PPP2R5C: variants seen among roughly 807,000 people sequenced by gnomAD.
PPP2R5C encodes the protein serine/threonine-protein phosphatase 2A 56 kDa regulatory subunit gamma isoform.
A neutral mutation model predicts 68.9 loss-of-function variants in PPP2R5C; 7 were observed. The ratio of observed to expected loss-of-function variants is 0.10; its 90% CI spans 0.06 to 0.19. The LOEUF is 0.19. PPP2R5C is among the 10% of genes least tolerant of loss of function. The pLI is 1.00. For missense variants in PPP2R5C, 348 were observed against 641.3 expected (o/e 0.54, Z 4.94); for synonymous variants, 210 against 222.2 (o/e 0.95, Z 0.49).
chr14:101,786,727 G>C (rs1051451875), intron 3 of PPP2R5C, among the ~76,000 whole-genome samples: 4 of 152,126 alleles, frequency 2.6e-5, no homozygotes, highest in Admixed American at 6.5e-5. Context: ...AAATGACACA[G>C]CCATCTCTTT....
chr14:101,785,902 G>C, intron 2 of PPP2R5C, 116 bp from the exon 3 acceptor site: 1 of 914,618 alleles, frequency 1.1e-6, no homozygotes, highest in Non-Finnish European at 1.5e-6. Flanking sequence ...TGTCTTCCAT[G>C]GAGTGAAGGG....
At chr14:101,765,822 G>C (rs966627072) in intron 2 of PPP2R5C, 4 of 149,632 alleles carry the variant, frequency 2.7e-5, no homozygotes, top group Non-Finnish European at 4.4e-5. Context: ...CGTGACCTCA[G>C]GTGATCCGTC....
exon 2 of PPP2R5C, chr14:101,856,689 T>A (rs1261662012): frequency 6.2e-7 from 1 of 1,613,726 alleles, no homozygotes; most frequent in South Asian, 1.1e-5. Context: ...TTTTCAGATG[T>A]TCCTCCTGCT....
chr14:101,797,407 G>A lies in PPP2R5C; in HGVS notation c.259+11224G>A, dbSNP rs143676934. On this transcript the variant is annotated intron_variant, in intron 3 of 14. Transcript: ENST00000328724. The surrounding 1 kb of genome is among the most constrained non-coding windows in gnomAD (Gnocchi z 4.2). ...GCTTGTCTGCCTGTGTCATCCATTC[G>A]AGCATCTGCCAAGGACCCAGGAAAC... 1.3e-3 allele frequency: 554 copies of A among 418,246 alleles called. 1 individual carries two copies. The highest frequency in any genetic ancestry group is 2.4e-3 in the Non-Finnish European group (493 of 204,286). The allele number at this position is 418,246 out of a possible 1,614,324, so 25.9% of individuals were successfully genotyped here. A position where few individuals can be genotyped will look rare whatever the true frequency, so the allele number is the denominator to read the frequency against.
Position 101,797,231 on chromosome 14 carries a change from G to A in PPP2R5C, c.259+11048G>A, listed in dbSNP as rs894781499. 45 of 455,906 alleles carry A rather than the reference G, an allele frequency of 9.9e-5. No homozygotes were observed. The highest frequency in any genetic ancestry group is 1.8e-4 in the Non-Finnish European group (40 of 226,806). 28.2% of individuals were successfully genotyped at this position (455,906 alleles called of 1,614,324 possible). A position where few individuals can be genotyped will look rare whatever the true frequency, so the allele number is the denominator to read the frequency against. The stretch of plus-strand genomic sequence containing the variant: ...TCCAGGTCCCCCCACATTGTAGCAC[G>A]TGCCAGACCCTCGCTCCCGTCGAAG... On this transcript the variant is annotated intron_variant, in intron 3 of 14. Transcript: ENST00000328724. This position sits in a 1 kb window ranked among gnomAD's most constrained non-coding sequence, Gnocchi z 4.2.
Position 101,781,898 on chromosome 14 carries a change from C to T in PPP2R5C, c.94-4120C>T, listed in dbSNP as rs917457443. On this transcript the variant is annotated intron_variant, in intron 2 of 14. Transcript: ENST00000328724. This position sits in a 1 kb window ranked among gnomAD's most constrained non-coding sequence, Gnocchi z 6.4. ...TGTACCGGAGCGGCACCCAGGAGCC[C>T]GCCCTAGCACCCGCTCCCGCTCCCA... Among the ~76,000 whole-genome samples, 132 of 151,978 alleles carry T rather than the reference C, an allele frequency of 8.7e-4. No individual in the cohort carries two copies. The highest frequency in any genetic ancestry group is 1.6e-3 in the Non-Finnish European group (106 of 67,898).
chr14:101,779,116 T>A (rs961729597), intron 2 of PPP2R5C, among the ~76,000 whole-genome samples: 14 of 152,170 alleles, frequency 9.2e-5, no homozygotes, highest in Admixed American at 5.9e-4. Context: ...AGGTTTTGTC[T>A]GGGAGGACAA....
chr14:101,893,217 G>T (rs10143423), intron 7 of PPP2R5C, 109 bp downstream of exon 9: 13,671 of 671,750 alleles, frequency 0.02, 507 homozygotes, highest in East Asian at 0.098. Flanking sequence ...TTATAGGCCT[G>T]TACTAACTTT....
rs1338840735 is a variant in PPP2R5C, at chr14:101,781,912, C to G, written c.94-4106C>G. On this transcript the variant is annotated intron_variant, in intron 2 of 14. Coordinates refer to the PPP2R5C transcript ENST00000328724. This position sits in a 1 kb window ranked among gnomAD's most constrained non-coding sequence, Gnocchi z 6.4. ...ACCCAGGAGCCCGCCCTAGCACCCG[C>G]TCCCGCTCCCACCTCGTCTGCGCCC... 6.6e-6 allele frequency among the ~76,000 whole-genome samples: 1 copy of G among 151,888 alleles called. No homozygotes were observed. The highest frequency in any genetic ancestry group is 1.5e-5 in the Non-Finnish European group (1 of 67,906).
chr14:101,777,739 T>G (rs2037494887), intron 2 of PPP2R5C, among the ~76,000 whole-genome samples: 1 of 152,202 alleles, frequency 6.6e-6, no homozygotes, highest in Admixed American at 6.5e-5. Flanking sequence ...ACCAGCAATA[T>G]ACAAGGGTTC....
At chr14:101,840,908 T>G (rs1427555573) in intron 1 of PPP2R5C, among the ~76,000 whole-genome samples, 2 of 152,224 alleles carry the variant, frequency 1.3e-5, no homozygotes, top group Admixed American at 1.3e-4. Context: ...GATGAAAATG[T>G]TGCTTCCGTT....
chr14:101,851,066 G>A (rs1381131463), intron 1 of PPP2R5C, among the ~76,000 whole-genome samples: 3 of 152,106 alleles, frequency 2.0e-5, no homozygotes, highest in Non-Finnish European at 4.4e-5. Context: ...TCTGTTTTGC[G>A]TGAGATCTCT....
At chr14:101,884,968 T>A (rs1190476201) in intron 5 of PPP2R5C, among the ~76,000 whole-genome samples, 1 of 152,274 alleles carries the variant, frequency 6.6e-6, no homozygotes, top group Non-Finnish European at 1.5e-5. Flanking sequence ...GTTCACTAAA[T>A]GAGCAGTTTC....
At chr14:101,918,241 T>G (rs1463159206) in intron 13 of PPP2R5C, among the ~76,000 whole-genome samples, 1 of 131,970 alleles carries the variant, frequency 7.6e-6, no homozygotes, top group African/African-American at 3.2e-5. Flanking sequence ...ATCGAAAGCT[T>G]CACAGCCATA....
chr14:101,884,317 C>A (rs946350983), intron 5 of PPP2R5C, among the ~76,000 whole-genome samples: 3 of 152,230 alleles, frequency 2.0e-5, no homozygotes, highest in Non-Finnish European at 4.4e-5. Context: ...AGTCCACTGA[C>A]TCAAATGTTA....
chr14:101,870,852 A>T (rs1366564191), intron 2 of PPP2R5C, among the ~76,000 whole-genome samples: 4 of 152,090 alleles, frequency 2.6e-5, no homozygotes, highest in Non-Finnish European at 5.9e-5. Flanking sequence ...AGACTCGTAA[A>T]TTAGTATTTT....
chr14:101,803,668 G>A (rs1228567911), intron 3 of PPP2R5C, among the ~76,000 whole-genome samples: 1 of 151,038 alleles, frequency 6.6e-6, no homozygotes, highest in East Asian at 2.0e-4. Flanking sequence ...AGGTTGCAGC[G>A]AGCAGACATC....
chr14:101,795,266 A>G (rs55736755), intron 3 of PPP2R5C, among the ~76,000 whole-genome samples: 7 of 152,344 alleles, frequency 4.6e-5, no homozygotes, highest in Non-Finnish European at 1.0e-4. Flanking sequence ...TTGTCTACAC[A>G]CTTTCCAGAG....
chr14:101,838,732 C>A (rs926325616), intron 1 of PPP2R5C, among the ~76,000 whole-genome samples: 5 of 152,142 alleles, frequency 3.3e-5, no homozygotes, highest in Non-Finnish European at 7.4e-5. Flanking sequence ...GTTGTCCTTT[C>A]TTCTTGGTTG....
Sources: gnomAD v4.1 joint callset for allele counts (sites outside exome capture counted in the v4.1 genomes callset) on GRCh38, gnomAD v4.1.1 for gene constraint, Gnocchi (gnomAD v3.1) non-coding constraint, MANE v1.5 for transcripts, NCBI Gene and HGNC (gene_info 2026-07-23, HGNC 2026-07-21) for gene names.